Variants in OSBP2 observed in about 807,000 individuals in gnomAD.
OSBP2 encodes the protein oxysterol binding protein 2, also known as oxysterol-binding protein 2.
OSBP2 carries 66 observed loss-of-function variants against 96.0 expected under a neutral mutation model. The ratio of observed to expected loss-of-function variants is 0.69; its 90% confidence interval spans 0.56 to 0.84. The LOEUF is 0.84. Ranked by LOEUF, OSBP2 falls within the 40% of genes least tolerant of loss-of-function variation. OSBP2 has a pLI of 0.00. For missense variants in OSBP2, 1,038 were observed against 1,222.7 expected (o/e 0.85, Z 2.25); for synonymous variants, 525 against 520.9 (o/e 1.01, Z -0.11).
Position 30,695,106 on chromosome 22 carries a change from C to T in OSBP2, c.197C>T (p.Ser66Leu), listed in dbSNP as rs769307041. ...PVPEPERGPL[S>L]EQVSEAVSEA... ...CCCGAACCGGAGCGGGGACCGCTGT[C>T]AGAACAGGTGTCGGAGGCAGTTTCG... Residue 66 changes from serine to leucine, a missense_variant, in exon 1 of 14, where the codon TCA becomes TTA. Ser to Leu is a moderately radical substitution (Grantham distance 145, BLOSUM62 -2). Coordinates refer to ENST00000332585, the MANE Select transcript of OSBP2 (RefSeq NM_030758.4). 2 of 1,585,864 alleles carry T rather than the reference C, an allele frequency of 1.3e-6. No individual in the cohort carries two copies. Among genetic ancestry groups the T allele is most frequent in the South Asian group, 2.3e-5 (2 of 86,786 alleles).
At chr22:30,832,068 T>C (rs1463420061) in intron 2 of OSBP2, among the ~76,000 whole-genome samples, 1 of 152,078 alleles carries the variant, frequency 6.6e-6, no homozygotes, top group Non-Finnish European at 1.5e-5. Context: ...CCAGGAAGCA[T>C]CTCACTGTCC....
At position 30,904,595 on chromosome 22, in the gene OSBP2, A is replaced by AATATATAT. The variant is rs531519651; in HGVS notation, c.2376-1232_2376-1225dup. Among the ~76,000 whole-genome samples, 973 of 149,906 alleles carry AATATATAT rather than the reference A, an allele frequency of 6.5e-3. 10 individuals carry two copies. The highest frequency in any genetic ancestry group is 0.023 in the African/African-American group (936 of 40,944). On this transcript the variant is annotated intron_variant, in intron 12 of 13. Coordinates refer to ENST00000332585, the MANE Select transcript of OSBP2 (RefSeq NM_030758.4). ...ACAAAAGAAATGCTTACATAATTAA[A>AATATATAT]ATATATATATATATATACACACATT... is the stretch of plus-strand genomic sequence containing the variant.
chr22:30,889,205 A>G lies in OSBP2; in HGVS notation c.1447A>G (p.Ser483Gly). Residue 483 changes from serine (S) to glycine (G), a missense_variant, in exon 6 of 14, where the codon AGT becomes GGT. Physicochemically the swap from Ser to Gly is moderately conservative, Grantham distance 56 (BLOSUM62 0). Around this residue, in one of 3 missense-constraint regions of OSBP2, gnomAD observed 737 missense variants for 913.3 expected, o/e 0.81. Coordinates refer to ENST00000332585, the MANE Select transcript of OSBP2 (RefSeq NM_030758.4). ...SRKAEGSTGT[S>G]SVDWSSADNV... ...AAAAGCTGAAGGTAGCACCGGGACAAGTTCCGTGGACTGGAGCTCAGCAGA... is the reference window on the plus strand; with the variant it reads ...AAAAGCTGAAGGTAGCACCGGGACAGGTTCCGTGGACTGGAGCTCAGCAGA... 2 of 1,613,526 alleles carry G rather than the reference A, an allele frequency of 1.2e-6. No individual in the cohort carries two copies. The highest frequency in any genetic ancestry group is 2.2e-5 in the East Asian group (1 of 44,854).
chr22:30,777,190 T>C (rs1402714016), intron 2 of OSBP2, among the ~76,000 whole-genome samples: 1 of 152,134 alleles, frequency 6.6e-6, no homozygotes, highest in Admixed American at 6.5e-5. Flanking sequence ...TCGATTGGTT[T>C]TGAAATGTGA....
At chr22:30,905,721 G>C (rs2040316521) in intron 12 of OSBP2, 116 bp from the exon 13 acceptor site, 2 of 1,432,930 alleles carry the variant, frequency 1.4e-6, no homozygotes. Flanking sequence ...CTGGACGCGG[G>C]GAGCTGGAGG....
intron 1 of OSBP2, among the ~76,000 whole-genome samples, chr22:30,697,469 G>C (rs1349574281): frequency 6.6e-6 from 1 of 152,092 alleles, no homozygotes; most frequent in Non-Finnish European, 1.5e-5. Context: ...AGTAGAGGCG[G>C]GGTTTCACCA....
At chr22:30,797,678 A>G (rs1266674315) in intron 2 of OSBP2, among the ~76,000 whole-genome samples, 1 of 151,416 alleles carries the variant, frequency 6.6e-6, no homozygotes, top group African/African-American at 2.4e-5. Flanking sequence ...TGCAGCCTCA[A>G]CCTCCCGGGT....
intron 3 of OSBP2, among the ~76,000 whole-genome samples, chr22:30,878,580 G>A (rs944716176): frequency 6.6e-6 from 1 of 152,216 alleles, no homozygotes; most frequent in Non-Finnish European, 1.5e-5. Context: ...GCCAGTGAGT[G>A]GGCAGAGCTA....
intron 12 of OSBP2, among the ~76,000 whole-genome samples, chr22:30,905,286 G>A (rs2147200836): frequency 1.3e-5 from 2 of 151,670 alleles, no homozygotes; most frequent in East Asian, 3.9e-4. Flanking sequence ...AGATTACCTG[G>A]GATTACAGGT....
intron 2 of OSBP2, among the ~76,000 whole-genome samples, chr22:30,778,302 T>TGC (rs1033965684): frequency 1.4e-4 from 14 of 97,166 alleles, no homozygotes; most frequent in African/African-American, 3.0e-4. Flanking sequence ...CGTGTGCATG[T>TGC]GCACACACAC....
chr22:30,902,138 AC>A (rs879203578), intron 12 of OSBP2: 2,351 of 175,618 alleles, frequency 0.013, 121 homozygotes, highest in African/African-American at 0.03. Context: ...AAAAAAAAAA[AC>A]CAAAAAAAAA....
rs530763464 is a variant in OSBP2, at chr22:30,844,164, C to T, written c.854-26265C>T. Among the ~76,000 whole-genome samples the T allele has an allele frequency of 1.2e-3, 183 of 152,258 alleles. No individual in the cohort carries two copies. In the South Asian group the frequency reaches 0.014, roughly 11 times the overall value. On this transcript the variant is annotated intron_variant, in intron 2 of 13. Transcript: ENST00000332585. The stretch of plus-strand genomic sequence containing the variant: ...TGGTAGGATTACAAGCATGAGCCAC[C>T]GCGCCTGGCCAAATTTAGCATAATT...
intron 2 of OSBP2, among the ~76,000 whole-genome samples, chr22:30,834,055 CA>C (rs2038583709): frequency 6.7e-6 from 1 of 149,522 alleles, no homozygotes; most frequent in Non-Finnish European, 1.5e-5. Flanking sequence ...ACCATCAGTC[CA>C]TTTTTTTTTT....
At chr22:30,785,038 T>G (rs1322935690) in intron 2 of OSBP2, among the ~76,000 whole-genome samples, 1 of 152,066 alleles carries the variant, frequency 6.6e-6, no homozygotes, top group African/African-American at 2.4e-5. Context: ...CCTCCCAAAG[T>G]GCTGGGATTA....
At chr22:30,860,304 T>C (rs1162367994) in intron 2 of OSBP2, among the ~76,000 whole-genome samples, 3 of 151,856 alleles carry the variant, frequency 2.0e-5, no homozygotes, top group African/African-American at 7.2e-5. Context: ...GGGTTTAGAG[T>C]GAGCCCTAGA....
chr22:30,694,172 G>T, upstream of OSBP2: 1 of 1,550,240 alleles, frequency 6.5e-7, no homozygotes. Context: ...GTACTAAAAC[G>T]CTTGGTTTAC....
At chr22:30,905,475 C>G (rs2040310728) in intron 12 of OSBP2, among the ~76,000 whole-genome samples, 1 of 151,832 alleles carries the variant, frequency 6.6e-6, no homozygotes, top group Non-Finnish European at 1.5e-5. Context: ...GGCACTCCAG[C>G]CTGGGCAACA....
At chr22:30,821,310 GGA>G (rs1161691796) in intron 2 of OSBP2, among the ~76,000 whole-genome samples, 2 of 152,194 alleles carry the variant, frequency 1.3e-5, no homozygotes, top group Non-Finnish European at 2.9e-5. Context: ...GACCAGAGTG[GGA>G]GCAGAGAGAC....
intron 1 of OSBP2, among the ~76,000 whole-genome samples, chr22:30,699,935 G>C (rs1383650506): frequency 1.3e-5 from 2 of 151,656 alleles, no homozygotes; most frequent in Non-Finnish European, 2.9e-5. Context: ...AATGTGCTTG[G>C]AATATAAATA....
Sources: allele counts gnomAD v4.1 joint callset (sites outside exome capture counted in the v4.1 genomes callset), GRCh38; gene constraint gnomAD v4.1.1; regional missense constraint gnomAD v4.1.1; transcripts MANE v1.5; gene names NCBI Gene and HGNC (gene_info 2026-07-23, HGNC 2026-07-21).